CTNNA3: variants seen among roughly 807,000 people sequenced by gnomAD.
The protein encoded by CTNNA3 is catenin alpha-3.
Under a neutral mutation model 95.7 loss-of-function variants are expected in CTNNA3, and 76 were observed. The observed-to-expected ratio is 0.79, with a 90% CI of 0.66 to 0.96. The LOEUF (loss-of-function observed/expected upper bound fraction) is 0.96. Among genes scored for constraint, CTNNA3 ranks in the 40% least tolerant of loss-of-function variants. The pLI, the probability that CTNNA3 is intolerant of heterozygous loss-of-function variation, is 0.00. For synonymous variants in CTNNA3, 431 were observed against 374.4 expected, an observed-to-expected ratio of 1.15 and a Z score of -1.74; for missense variants, 1,191 against 1,089.8, an observed-to-expected ratio of 1.09 and a Z score of -1.31.
chr10:66,998,737 T>C (rs961262816), intron 7 of CTNNA3, among the ~76,000 whole-genome samples: 2 of 152,148 alleles, frequency 1.3e-5, no homozygotes, highest in African/African-American at 4.8e-5. Context: ...GAAAGAGCAA[T>C]TGTCACAGAT....
chr10:67,186,423 G>A (rs1364489673), intron 6 of CTNNA3, among the ~76,000 whole-genome samples: 5 of 152,124 alleles, frequency 3.3e-5, no homozygotes, highest in Non-Finnish European at 5.9e-5. Context: ...TAAGACTTCC[G>A]ATTCTTCAAG....
intron 7 of CTNNA3, among the ~76,000 whole-genome samples, chr10:66,784,906 G>C (rs940703985): frequency 2.6e-5 from 4 of 152,316 alleles, no homozygotes; most frequent in South Asian, 4.1e-4. Flanking sequence ...CCTGGCAGCT[G>C]AGATTCAGTG....
chr10:67,148,833 C>T (rs908526719), intron 7 of CTNNA3, among the ~76,000 whole-genome samples: 2 of 152,158 alleles, frequency 1.3e-5, no homozygotes, highest in African/African-American at 4.8e-5. Context: ...CACAATAGGA[C>T]TTCTATCATA....
intron 1 of CTNNA3, among the ~76,000 whole-genome samples, chr10:67,722,346 GT>G (rs1841184173): frequency 6.6e-6 from 1 of 152,094 alleles, no homozygotes; most frequent in Non-Finnish European, 1.5e-5. Flanking sequence ...TCTAGTTTTT[GT>G]TCCCCTTTTT....
intron 7 of CTNNA3, among the ~76,000 whole-genome samples, chr10:67,132,517 G>A (rs1391285060): frequency 1.3e-5 from 2 of 152,012 alleles, no homozygotes; most frequent in Non-Finnish European, 2.9e-5. Flanking sequence ...AAGAATTGAC[G>A]ATCCTTTCTA....
At chr10:67,651,313 T>C (rs554992551) in intron 1 of CTNNA3, among the ~76,000 whole-genome samples, 12 of 152,294 alleles carry the variant, frequency 7.9e-5, no homozygotes, top group Non-Finnish European at 1.5e-4. Flanking sequence ...AACTCAAGTC[T>C]CTCATCACAT....
chr10:66,937,890 GT>G (rs531520277), intron 7 of CTNNA3, among the ~76,000 whole-genome samples: 15 of 151,560 alleles, frequency 9.9e-5, no homozygotes, highest in South Asian at 2.1e-4. Flanking sequence ...CCTCTTTTCT[GT>G]TTTTTTTCCC....
At chr10:66,387,964 AG>A (rs2092906800) in intron 11 of CTNNA3, among the ~76,000 whole-genome samples, 1 of 152,014 alleles carries the variant, frequency 6.6e-6, no homozygotes, top group East Asian at 1.9e-4. Context: ...GGGCTGGGGG[AG>A]GGATAACATT....
At chr10:66,330,495 A>G (rs1178670627) in intron 12 of CTNNA3, among the ~76,000 whole-genome samples, 1 of 152,032 alleles carries the variant, frequency 6.6e-6, no homozygotes, top group Non-Finnish European at 1.5e-5. Context: ...GTTGGTTCCA[A>G]GTCTTTGCTA....
chr10:67,426,999 C>T (rs933760522), intron 5 of CTNNA3, among the ~76,000 whole-genome samples: 14 of 151,908 alleles, frequency 9.2e-5, no homozygotes, highest in Non-Finnish European at 1.6e-4. Flanking sequence ...GATGAGTTTT[C>T]ATTTCTTATT....
chr10:66,426,268 G>A (rs12783614), intron 11 of CTNNA3, among the ~76,000 whole-genome samples: 1 of 151,752 alleles, frequency 6.6e-6, no homozygotes, highest in Admixed American at 6.6e-5. Flanking sequence ...GTGTCATAGG[G>A]TACTCAGTTA....
chr10:67,761,454 A>T (rs915233308), intron 1 of CTNNA3, among the ~76,000 whole-genome samples: 1 of 152,202 alleles, frequency 6.6e-6, no homozygotes, highest in Non-Finnish European at 1.5e-5. Flanking sequence ...TACTGCTCCC[A>T]ATCACATGCC....
At chr10:66,048,095 C>G (rs2079867939) in intron 15 of CTNNA3, among the ~76,000 whole-genome samples, 1 of 151,874 alleles carries the variant, frequency 6.6e-6, no homozygotes, top group South Asian at 2.1e-4. Context: ...AACTACCAAG[C>G]ACATTCTTCA....
In CTNNA3 at chr10:65,920,039, T is replaced by C. The variant is rs559205588; in HGVS notation, c.*291A>G. 1 of 375,982 alleles carries C rather than the reference T, an allele frequency of 2.7e-6. No homozygotes were observed. Among genetic ancestry groups the C allele is most frequent in the African/African-American group, 2.1e-5 (1 of 48,588 alleles). The allele number at this position is 375,982 out of a possible 1,614,324, so 23.3% of individuals were successfully genotyped here. ...CTCTCTGGCCTCTCCTGTGTTTATT[T>C]GGTAACGAATAGTAGATAATCTCTA... is the stretch of plus-strand genomic sequence containing the variant. On this transcript the variant is annotated 3_prime_UTR_variant, in exon 18 of 18. Transcript: ENST00000433211.
chr10:66,428,217 T>C (rs1055803079), intron 11 of CTNNA3, among the ~76,000 whole-genome samples: 5 of 152,232 alleles, frequency 3.3e-5, no homozygotes, highest in East Asian at 1.9e-4. Context: ...CCTAAATATA[T>C]ATGCACCATA....
intron 13 of CTNNA3, among the ~76,000 whole-genome samples, chr10:66,166,200 A>T (rs2085117427): frequency 6.6e-6 from 1 of 152,096 alleles, no homozygotes; most frequent in Admixed American, 6.5e-5. Context: ...TCACACCTAT[A>T]ATCCCAGCAC....
chr10:66,234,112 C>T (rs1014013167), intron 13 of CTNNA3, among the ~76,000 whole-genome samples: 1 of 152,088 alleles, frequency 6.6e-6, no homozygotes, highest in African/African-American at 2.4e-5. Context: ...GGTAGGCACA[C>T]AAAGTATATT....
intron 13 of CTNNA3, among the ~76,000 whole-genome samples, chr10:66,186,304 G>C (rs1157358704): frequency 1.3e-5 from 2 of 150,802 alleles, no homozygotes; most frequent in African/African-American, 4.8e-5. Flanking sequence ...GTGTGTGTGT[G>C]AGAGATAGAG....
At chr10:67,085,252 G>T (rs757849093) in intron 7 of CTNNA3, among the ~76,000 whole-genome samples, 2 of 151,804 alleles carry the variant, frequency 1.3e-5, no homozygotes, top group African/African-American at 4.8e-5. Context: ...ACATATATAT[G>T]TGGCTGATCA....
Sources: gnomAD v4.1 joint callset for allele counts (sites outside exome capture counted in the v4.1 genomes callset) on GRCh38, gnomAD v4.1.1 for gene constraint, MANE v1.5 for transcripts, NCBI Gene and HGNC (gene_info 2026-07-23, HGNC 2026-07-21) for gene names.